TMEM79: variants seen among roughly 807,000 people sequenced by gnomAD.
TMEM79 encodes mattrin.
In TMEM79, 30 loss-of-function variants were observed where a neutral mutation model predicts 31.2. The observed-to-expected ratio is 0.96, with a 90% CI of 0.72 to 1.30. TMEM79 has a LOEUF of 1.30. TMEM79 is among the 50% of genes most tolerant of loss of function. The probability of loss-of-function intolerance (pLI) is 0.00; values close to 1 mark genes in which losing one functional copy is unlikely to be tolerated. For missense variants in TMEM79, 509 were observed against 528.2 expected (o/e 0.96, Z 0.36); for synonymous variants, 213 against 229.5 (o/e 0.93, Z 0.65).
At position 156,286,383 on chromosome 1, in the gene TMEM79, ACTT is replaced by A. The variant is rs1200546135; in HGVS notation, c.886_888del (p.Phe296del). The A allele has an allele frequency of 1.1e-5, 18 of 1,613,870 alleles. 1 individual carries two copies. The African/African-American group carries it at 1.6e-4, about 14-fold the overall frequency. On this transcript the variant is annotated inframe_deletion, in exon 3 of 4. Coordinates refer to ENST00000405535, the MANE Select transcript of TMEM79 (RefSeq NM_032323.3). ...CAGTCGGTCCAGCTCTTTATTCTCT[ACTT>A]CTTCAACCTGGCCGTGCTTTCCACT...
Position 156,286,273 on chromosome 1 carries a change from C to T in TMEM79, c.771C>T (p.Tyr257=), listed in dbSNP as rs6663955. ...AACTCCACCCAGGGATCCTGGTGTA[C>T]GGGCTGAGCCTGTTATGCTTTTCTG... The part of the protein sequence containing the change: ...TFPIVLGILV[Y]GLSLLCFSAL... The change falls in exon 3 of 4, where the codon TAC becomes TAT. Residue 257 remains tyrosine, a synonymous_variant. Coordinates refer to ENST00000405535, the MANE Select transcript of TMEM79 (RefSeq NM_032323.3). 581 of 1,614,140 alleles carry T rather than the reference C, an allele frequency of 3.6e-4. 2 individuals are homozygous for T. In the African/African-American group the frequency reaches 7.0e-3, roughly 19 times the overall value.
chr1:156,291,449 T>C lies in TMEM79; in HGVS notation c.1036T>C (p.Phe346Leu), dbSNP rs2101595880. ...CCGAGGCTTCGGCTACGGCCTGACG[T>C]TTCTGCCACTGCTGTCGATGCTGAT... ...SFRGFGYGLT[F>L]LPLLSMLMWN... Residue 346 changes from phenylalanine (F) to leucine (L), a missense_variant, in exon 4 of 4, where the codon TTT (phenylalanine) becomes CTT (leucine). Coordinates refer to ENST00000405535, the MANE Select transcript of TMEM79 (RefSeq NM_032323.3). 2 of 1,613,852 alleles carry C rather than the reference T, an allele frequency of 1.2e-6. No individual in the cohort carries two copies. Among genetic ancestry groups the C allele is most frequent in the Non-Finnish European group, 1.7e-6 (2 of 1,179,978 alleles).
chr1:156,286,250 C>T lies in TMEM79; in HGVS notation c.758-10C>T. The T allele has an allele frequency of 6.2e-7, 1 of 1,613,596 alleles. No individual in the cohort carries two copies. The highest frequency in any genetic ancestry group is 8.5e-7 in the Non-Finnish European group (1 of 1,179,616). On this transcript the variant is annotated splice_polypyrimidine_tract_variant and intron_variant, in intron 2 of 3. Transcript: ENST00000405535. ...TTTCTGACCCTACCCTGTTTCCCAA[C>T]TCCACCCAGGGATCCTGGTGTACGG...
At chr1:156,289,118 A>G (rs2101592103) in intron 3 of TMEM79, among the ~76,000 whole-genome samples, 1 of 152,248 alleles carries the variant, frequency 6.6e-6, no homozygotes, top group African/African-American at 2.4e-5. Context: ...CAGTTTCATC[A>G]TCTGTAAAAT....
chr1:156,283,809 A>C (rs1258737069), upstream of TMEM79, among the ~76,000 whole-genome samples: 4 of 152,096 alleles, frequency 2.6e-5, no homozygotes, highest in African/African-American at 9.7e-5. Flanking sequence ...CATACTCCTG[A>C]TTTCCCATCA....
rs1448017177 is a variant in TMEM79 at position 156,291,610 on chromosome 1, C to T, written c.*12C>T. The T allele has an allele frequency of 6.2e-7, 1 of 1,611,244 alleles. No individual in the cohort carries two copies. The highest frequency in any genetic ancestry group is 1.7e-5 in the Admixed American group (1 of 60,000). On this transcript the variant is annotated 3_prime_UTR_variant, in exon 4 of 4. Coordinates refer to ENST00000405535, the MANE Select transcript of TMEM79 (RefSeq NM_032323.3). The stretch of plus-strand genomic sequence containing the variant: ...GCCCCTGGGGCTGAGCCTCTCCGCC[C>T]TCGCCCTCGGAGTAGGGGGTAGCGG...
At position 156,291,668 on chromosome 1, in the gene TMEM79, C is replaced by G. The variant is rs1663343388; in HGVS notation, c.*70C>G. The G allele has an allele frequency of 3.4e-6, 5 of 1,475,156 alleles. No homozygotes were observed. The highest frequency in any genetic ancestry group is 4.7e-6 in the Non-Finnish European group (5 of 1,059,850). The allele number at this position is 1,475,156 out of a possible 1,614,324, so 91.4% of individuals were successfully genotyped here. ...CTGACACATCTTTGAACCTTGTGGC[C>G]AGGCCTGGACTTCGCCCCCAGGCCT... On this transcript the variant is annotated 3_prime_UTR_variant, in exon 4 of 4. Transcript: ENST00000405535.
rs186318568 is a variant in TMEM79, at chr1:156,286,568, G to A, written c.971+95G>A. 3.9e-4 allele frequency: 509 copies of A among 1,293,694 alleles called. 1 individual carries two copies. The highest frequency in any genetic ancestry group is 5.1e-4 in the Non-Finnish European group (462 of 912,456). 80.1% of individuals were successfully genotyped at this position (1,293,694 alleles called of 1,614,324 possible). ...GGAGAGCCAGGGTCAGGAGCTTTCC[G>A]GATTCTACACTGGCCCAAATGTGTG... On this transcript the variant is annotated intron_variant, in intron 3 of 3. Coordinates refer to ENST00000405535, the MANE Select transcript of TMEM79 (RefSeq NM_032323.3).
chr1:156,285,405 A>C lies in TMEM79; in HGVS notation c.179A>C (p.Glu60Ala). The C allele has an allele frequency of 6.2e-7, 1 of 1,603,706 alleles. No individual in the cohort carries two copies. The highest frequency in any genetic ancestry group is 1.1e-5 in the South Asian group (1 of 89,792). ...TCAGCTGGATCTCCCACAGCCATAG[A>C]GGGGGCTGAGGATGGTCTAGACAGC... The part of the protein sequence containing the change: ...GSSAGSPTAI[E>A]GAEDGLDSTV... Residue 60 changes from glutamate to alanine, a missense_variant, in exon 2 of 4, where the codon GAG (glutamate) becomes GCG (alanine). Glu to Ala is a moderately radical substitution (Grantham distance 107). Transcript: ENST00000405535.
chr1:156,283,457 C>CA (rs1158863930), upstream of TMEM79, among the ~76,000 whole-genome samples: 3 of 152,250 alleles, frequency 2.0e-5, no homozygotes, highest in South Asian at 4.1e-4. Context: ...CCTGCCCTCC[C>CA]AAAGCTCAAA....
At position 156,284,399 on chromosome 1, in the gene TMEM79, T is replaced by C. The variant is rs781117472; in HGVS notation, c.-51T>C. ...CAGACGCTGGGGACCCTCCACTCCATATGGAAAGTAAGAGGATGTCATGGG... is the reference window on the plus strand; with the variant it reads ...CAGACGCTGGGGACCCTCCACTCCACATGGAAAGTAAGAGGATGTCATGGG... On this transcript the variant is annotated 5_prime_UTR_variant, in exon 1 of 4. Transcript: ENST00000405535. 6.6e-6 allele frequency: 1 copy of C among 152,016 alleles called. No homozygotes were observed. Among genetic ancestry groups the C allele is most frequent in the Non-Finnish European group, 1.5e-5 (1 of 68,022 alleles). The allele number at this position is 152,016 out of a possible 1,614,324, so 9.4% of individuals were successfully genotyped here. A position where few individuals can be genotyped will look rare whatever the true frequency, so the allele number is the denominator to read the frequency against.
Position 156,285,918 on chromosome 1 carries a change from C to T in TMEM79, c.692C>T (p.Thr231Ile), listed in dbSNP as rs755897802. 6.4e-7 allele frequency: 1 copy of T among 1,570,290 alleles called. No individual in the cohort carries two copies. Among genetic ancestry groups the T allele is most frequent in the Non-Finnish European group, 8.6e-7 (1 of 1,157,436 alleles). ...CCGTTTGATGTCCCACGGCTGCCCA[C>T]CATGAGTTCCCGCCTGATCTACACA... ...FLPFDVPRLP[T>I]MSSRLIYTLR... The change falls in exon 2 of 4, where the codon ACC becomes ATC. Residue 231 changes from threonine to isoleucine, a missense_variant. Coordinates refer to ENST00000405535, the MANE Select transcript of TMEM79 (RefSeq NM_032323.3).
At chr1:156,286,555 T>C in intron 3 of TMEM79, 82 bp downstream of exon 3, 1 of 1,430,750 alleles carries the variant, frequency 7.0e-7, no homozygotes, top group Admixed American at 1.7e-5. Flanking sequence ...AGAGCCAGGG[T>C]CAGGAGCTTT....
intron 3 of TMEM79, chr1:156,291,108 TA>T: frequency 2.4e-6 from 1 of 425,332 alleles, no homozygotes; most frequent in Non-Finnish European, 4.3e-6. Flanking sequence ...ACCATGTCTC[TA>T]AAAAAATAAA....
chr1:156,286,601 GA>G (rs1292613654), intron 3 of TMEM79, 128 bp downstream of exon 3: 2 of 906,118 alleles, frequency 2.2e-6, no homozygotes, highest in African/African-American at 3.3e-5. Flanking sequence ...GTGCCCTGGG[GA>G]GATAAGTCCA....
chr1:156,285,785 G>A lies in TMEM79; in HGVS notation c.559G>A (p.Gly187Arg), dbSNP rs750962203. Reference protein sequence around the residue: ...AVVRPPGCSCGGCGSCGDREW... With the variant: ...AVVRPPGCSCRGCGSCGDREW... ...GGTGAGGCCGCCTGGCTGTTCCTGTGGGGGCTGCGGGAGCTGTGGAGACCG... is the reference window on the plus strand; with the variant it reads ...GGTGAGGCCGCCTGGCTGTTCCTGTAGGGGCTGCGGGAGCTGTGGAGACCG... The change falls in exon 2 of 4, where the codon GGG becomes AGG. Residue 187 changes from glycine to arginine, a missense_variant. Gly to Arg is a moderately radical substitution (Grantham distance 125). Transcript: ENST00000405535. 4 of 1,613,584 alleles carry A rather than the reference G, an allele frequency of 2.5e-6. No individual in the cohort carries two copies. The highest frequency in any genetic ancestry group is 3.4e-6 in the Non-Finnish European group (4 of 1,179,976).
Position 156,291,821 on chromosome 1 carries a change from C to G in TMEM79, c.*223C>G, listed in dbSNP as rs892279959. The G allele has an allele frequency of 1.5e-5, 9 of 599,160 alleles. No homozygotes were observed. The highest frequency in any genetic ancestry group is 2.7e-5 in the Non-Finnish European group (9 of 336,016). The allele number at this position is 599,160 out of a possible 1,614,324, so 37.1% of individuals were successfully genotyped here. A position where few individuals can be genotyped will look rare whatever the true frequency, so the allele number is the denominator to read the frequency against. On this transcript the variant is annotated 3_prime_UTR_variant, in exon 4 of 4. Transcript: ENST00000405535. Reference sequence around the variant, plus strand: ...AGTCATAAGGGATGGACTTAGTTTTCTTGCAGGGAAAAAGGTGGACAGCCG... The same window carrying G: ...AGTCATAAGGGATGGACTTAGTTTTGTTGCAGGGAAAAAGGTGGACAGCCG...
chr1:156,285,103 T>C, intron 1 of TMEM79, 81 bp from the exon 2 acceptor site: 3 of 1,280,716 alleles, frequency 2.3e-6, no homozygotes, highest in South Asian at 1.8e-5. Context: ...CCAGTTGCCC[T>C]GGAGAGTATG....
At position 156,291,495 on chromosome 1, in the gene TMEM79, T is replaced by G; in HGVS notation, c.1082T>G (p.Phe361Cys). 6.2e-7 allele frequency: 1 copy of G among 1,613,016 alleles called. No individual in the cohort carries two copies. The highest frequency in any genetic ancestry group is 1.3e-5 in the African/African-American group (1 of 75,032). Residue 361 changes from phenylalanine to cysteine, a missense_variant, in exon 4 of 4, where the codon TTC becomes TGC. By Grantham distance (205) the Phe-to-Cys change is radical. Coordinates refer to ENST00000405535, the MANE Select transcript of TMEM79 (RefSeq NM_032323.3). ...CTGATGTGGAACCTCTACTACATGTTCGTGGTGGAGCCGGAGCGCATGCTC... is the reference window on the plus strand; with the variant it reads ...CTGATGTGGAACCTCTACTACATGTGCGTGGTGGAGCCGGAGCGCATGCTC... ...SMLMWNLYYM[F>C]VVEPERMLTA...
Sources: allele counts gnomAD v4.1 joint callset (sites outside exome capture counted in the v4.1 genomes callset), GRCh38; gene constraint gnomAD v4.1.1; transcripts MANE v1.5; gene names NCBI Gene and HGNC (gene_info 2026-07-23, HGNC 2026-07-21).